Variants in TRIM24 observed in about 807,000 individuals in gnomAD.
TRIM24 encodes tripartite motif containing 24, also known as transcription intermediary factor 1-alpha.
TRIM24 carries 29 observed loss-of-function variants against 123.9 expected under a neutral mutation model. The ratio of observed to expected loss-of-function variants is 0.23; its 90% CI spans 0.17 to 0.32. The LOEUF is 0.32. TRIM24 is among the 10% of genes least tolerant of loss of function. The pLI, the probability that TRIM24 is intolerant of heterozygous loss-of-function variation, is 1.00. For synonymous variants in TRIM24, 456 were observed against 461.1 expected, an observed-to-expected ratio of 0.99 and a Z score of 0.14; for missense variants, 932 against 1,295.3, an observed-to-expected ratio of 0.72 and a Z score of 4.31.
chr7:138,552,374 T>C (rs1797228961), intron 8 of TRIM24, among the ~76,000 whole-genome samples: 1 of 152,198 alleles, frequency 6.6e-6, no homozygotes, highest in African/African-American at 2.4e-5. Context: ...AAGAAAAGTA[T>C]CCTTGCAAGC....
At chr7:138,565,231 T>C (rs899361320) in intron 9 of TRIM24, among the ~76,000 whole-genome samples, 1 of 152,088 alleles carries the variant, frequency 6.6e-6, no homozygotes, top group African/African-American at 2.4e-5. Context: ...CAAGCCACTC[T>C]CATGTCCTGG....
At chr7:138,492,722 A>G (rs1795822364) in intron 1 of TRIM24, among the ~76,000 whole-genome samples, 1 of 152,204 alleles carries the variant, frequency 6.6e-6, no homozygotes, top group Admixed American at 6.5e-5. Flanking sequence ...TTGGAAAATT[A>G]TAGTTGTAAA....
At chr7:138,465,621 C>T (rs927525408) in intron 1 of TRIM24, among the ~76,000 whole-genome samples, 1 of 152,186 alleles carries the variant, frequency 6.6e-6, no homozygotes, top group Admixed American at 6.5e-5. Flanking sequence ...AGATACGTAA[C>T]TATTCTGGGA....
intron 1 of TRIM24, among the ~76,000 whole-genome samples, chr7:138,463,027 G>A (rs935524995): frequency 1.1e-4 from 16 of 141,974 alleles, no homozygotes; most frequent in African/African-American, 3.1e-4. Flanking sequence ...GCGCCACCAC[G>A]TCCGGCTAAT....
At chr7:138,581,163 AAAAAAACTCCTTTGCTAAATT>A (rs1308308455) in intron 16 of TRIM24, among the ~76,000 whole-genome samples, 26 of 152,190 alleles carry the variant, frequency 1.7e-4, no homozygotes, top group Non-Finnish European at 3.8e-4. Context: ...CTTTGTTACC[AAAAAAACTCCTTTGCTAAATT>A]ATTAAGTAGA....
chr7:138,485,371 T>A (rs1321067117), intron 1 of TRIM24, among the ~76,000 whole-genome samples: 1 of 152,038 alleles, frequency 6.6e-6, no homozygotes, highest in Non-Finnish European at 1.5e-5. Context: ...TTTTTAATTA[T>A]ACTTTAAGTT....
At chr7:138,482,500 A>C (rs1795551884) in intron 1 of TRIM24, among the ~76,000 whole-genome samples, 2 of 152,186 alleles carry the variant, frequency 1.3e-5, no homozygotes, top group South Asian at 4.1e-4. Context: ...GTAGCGTGGT[A>C]GCATCCTAAC....
chr7:138,497,152 T>TA (rs1187840994), intron 1 of TRIM24, among the ~76,000 whole-genome samples: 6 of 152,174 alleles, frequency 3.9e-5, no homozygotes, highest in African/African-American at 1.4e-4. Flanking sequence ...TTACCTTTTT[T>TA]AAATATTGAA....
At chr7:138,582,552 A>G (rs1584751724) in intron 17 of TRIM24, among the ~76,000 whole-genome samples, 2 of 151,238 alleles carry the variant, frequency 1.3e-5, no homozygotes, top group Non-Finnish European at 1.5e-5. Flanking sequence ...AAAAAAAAAA[A>G]AAAAAAAGTT....
chr7:138,492,792 G>T (rs1188011741), intron 1 of TRIM24, among the ~76,000 whole-genome samples: 1 of 152,234 alleles, frequency 6.6e-6, no homozygotes, highest in East Asian at 1.9e-4. Flanking sequence ...CATCTTACAT[G>T]CATGGATTCA....
Position 138,556,197 on chromosome 7 carries a change from G to A in TRIM24, c.1530+1231G>A, listed in dbSNP as rs141851326. 44 of 152,046 alleles carry A rather than the reference G, an allele frequency of 2.9e-4. No homozygotes were observed. The East Asian group carries it at 8.5e-3, about 29-fold the overall frequency. 9.4% of individuals were successfully genotyped at this position (152,046 alleles called of 1,614,324 possible). A position where few individuals can be genotyped will look rare whatever the true frequency, so the allele number is the denominator to read the frequency against. On this transcript the variant is annotated intron_variant, in intron 9 of 18. Transcript: ENST00000343526. ...ATAAAAACATTGCTATGGCTTTTAG[G>A]TTTATACTTTTTTAAAGTTTCGAGA... is the stretch of plus-strand genomic sequence containing the variant.
chr7:138,460,504 C>T lies in TRIM24; in HGVS notation c.-45C>T, dbSNP rs1170360844. On this transcript the variant is annotated 5_prime_UTR_variant, in exon 1 of 19. Transcript: ENST00000343526. ...GGAGGAGGTCGTCGGGGGCGGCGGGCGGAGACCGCGCTCTCGCTTCCCCGG... is the reference window on the plus strand; with the variant it reads ...GGAGGAGGTCGTCGGGGGCGGCGGGTGGAGACCGCGCTCTCGCTTCCCCGG... 7.9e-7 allele frequency: 1 copy of T among 1,259,326 alleles called. No homozygotes were observed. Among genetic ancestry groups the T allele is most frequent in the Admixed American group, 4.2e-5 (1 of 23,722 alleles). The allele number at this position is 1,259,326 out of a possible 1,614,324, so 78.0% of individuals were successfully genotyped here.
intron 10 of TRIM24, among the ~76,000 whole-genome samples, chr7:138,568,214 G>A (rs1375086875): frequency 6.6e-6 from 1 of 151,742 alleles, no homozygotes; most frequent in Non-Finnish European, 1.5e-5. Context: ...TGCCTCCTGG[G>A]TTCACACCAT....
chr7:138,489,215 T>G (rs1365089286), intron 1 of TRIM24, among the ~76,000 whole-genome samples: 1 of 152,190 alleles, frequency 6.6e-6, no homozygotes, highest in African/African-American at 2.4e-5. Flanking sequence ...TCTTCCTCCA[T>G]CCCTTTATTT....
chr7:138,491,138 A>G (rs1240103377), intron 1 of TRIM24: 1 of 298,248 alleles, frequency 3.4e-6, no homozygotes, highest in Non-Finnish European at 6.6e-6. Context: ...TCTAAATGCA[A>G]CTTCATCATT....
At chr7:138,466,295 TGTCA>T (rs1795135782) in intron 1 of TRIM24, among the ~76,000 whole-genome samples, 2 of 151,340 alleles carry the variant, frequency 1.3e-5, no homozygotes, top group African/African-American at 4.9e-5. Context: ...GTGCCTGGCC[TGTCA>T]GTCTGTTAAA....
chr7:138,587,209 C>T lies in TRIM24; in HGVS notation c.*2258C>T, dbSNP rs924569556. 2 of 151,978 alleles carry T rather than the reference C, an allele frequency of 1.3e-5. No homozygotes were observed. Among genetic ancestry groups the T allele is most frequent in the Admixed American group, 6.5e-5 (1 of 15,270 alleles). The allele number at this position is 151,978 out of a possible 1,614,324, so 9.4% of individuals were successfully genotyped here. A position where few individuals can be genotyped will look rare whatever the true frequency, so the allele number is the denominator to read the frequency against. ...CTCTACAAAAAATACAAAAATTAGC[C>T]GGACATGGTGGCGTGCAACTGTAAT... On this transcript the variant is annotated 3_prime_UTR_variant, in exon 19 of 19. Transcript: ENST00000343526.
rs1482326584 is a variant in TRIM24, at chr7:138,586,710, C to T, written c.*1759C>T. 1 of 152,002 alleles carries T rather than the reference C, an allele frequency of 6.6e-6. No homozygotes were observed. Among genetic ancestry groups the T allele is most frequent in the Non-Finnish European group, 1.5e-5 (1 of 67,994 alleles). 9.4% of individuals were successfully genotyped at this position (152,002 alleles called of 1,614,324 possible). A position where few individuals can be genotyped will look rare whatever the true frequency, so the allele number is the denominator to read the frequency against. ...ATACACCTTTTGTCTTTTTTTGCTC[C>T]AGCATTTTATTTTTAGCACAGCAGC... On this transcript the variant is annotated 3_prime_UTR_variant, in exon 19 of 19. Coordinates refer to ENST00000343526, the MANE Select transcript of TRIM24 (RefSeq NM_015905.3).
rs761281575 is a variant in TRIM24, at chr7:138,551,199, A to C, written c.1261+19A>C. The C allele has an allele frequency of 6.4e-7, 1 of 1,566,334 alleles. No individual in the cohort carries two copies. Among genetic ancestry groups the C allele is most frequent in the South Asian group, 1.1e-5 (1 of 90,042 alleles). On this transcript the variant is annotated intron_variant, in intron 8 of 18. Coordinates refer to ENST00000343526, the MANE Select transcript of TRIM24 (RefSeq NM_015905.3). ...AACTTAGGTGGGCCATTACCATTAC[A>C]TACATTTCTCAGTGGCATTTGTCTG...
Sources: gnomAD v4.1 joint callset for allele counts (sites outside exome capture counted in the v4.1 genomes callset) on GRCh38, gnomAD v4.1.1 for gene constraint, MANE v1.5 for transcripts, NCBI Gene and HGNC (gene_info 2026-07-23, HGNC 2026-07-21) for gene names.